The following TPCN1 variants were observed in gnomAD, a reference collection of about 807,000 sequenced individuals.
The protein encoded by TPCN1 is two pore channel protein 1.
Under a neutral mutation model 108.8 loss-of-function variants are expected in TPCN1, and 52 were observed. That is an observed-to-expected ratio of 0.48 (90% CI 0.38 to 0.60). The LOEUF (loss-of-function observed/expected upper bound fraction) is 0.60, where lower values mean the gene tolerates loss of function less well. Ranked by LOEUF, TPCN1 falls within the 20% of genes least tolerant of loss-of-function variation. TPCN1 has a pLI of 0.00. For missense variants in TPCN1, 806 were observed against 1,072.8 expected (o/e 0.75, Z 3.47); for synonymous variants, 446 against 433.7 (o/e 1.03, Z -0.35).
At chr12:113,264,476 C>T (rs1405710253) in intron 3 of TPCN1, among the ~76,000 whole-genome samples, 1 of 152,162 alleles carries the variant, frequency 6.6e-6, no homozygotes, top group African/African-American at 2.4e-5. Flanking sequence ...CTCAGGAGTT[C>T]GAGACCAGCC....
At chr12:113,293,156 C>A (rs1956322991) in intron 26 of TPCN1, 83 bp downstream of exon 26, 1 of 1,601,794 alleles carries the variant, frequency 6.2e-7, no homozygotes, top group African/African-American at 1.3e-5. Context: ...ATATTGGTAA[C>A]ATTTTGAGTG....
chr12:113,267,987 C>T (rs2136623713), intron 5 of TPCN1, 31 bp downstream of exon 5: 1 of 1,467,362 alleles, frequency 6.8e-7, no homozygotes, highest in Non-Finnish European at 9.5e-7. Context: ...TCCCTCCCCT[C>T]ACAGCCTTTT....
In TPCN1 at chr12:113,273,254, G is replaced by A; in HGVS notation, c.806G>A (p.Ser269Asn). The change falls in exon 9 of 28, where the codon AGC (serine) becomes AAC (asparagine). Residue 269 changes from serine (S) to asparagine (N), a missense_variant. Coordinates refer to ENST00000335509, the MANE Select transcript of TPCN1 (RefSeq NM_017901.6). This position sits in a 1 kb window ranked among gnomAD's most constrained non-coding sequence, Gnocchi z 4.0. ...SDPYFSTLEN[S>N]IVSLFVLLTT... ...CAGTACTTCAGCACCCTGGAGAACAGCATCGTCAGTCTGTTTGTCCTTCTG... is the reference window on the plus strand; with the variant it reads ...CAGTACTTCAGCACCCTGGAGAACAACATCGTCAGTCTGTTTGTCCTTCTG... The A allele has an allele frequency of 6.2e-7, 1 of 1,614,240 alleles. No homozygotes were observed. The highest frequency in any genetic ancestry group is 8.5e-7 in the Non-Finnish European group (1 of 1,180,040).
chr12:113,271,902 C>T (rs990515010), intron 7 of TPCN1, among the ~76,000 whole-genome samples: 1 of 152,150 alleles, frequency 6.6e-6, no homozygotes, highest in East Asian at 1.9e-4. Context: ...GCATAGACAT[C>T]GGAAGCCGTG....
chr12:113,268,946 T>C lies in TPCN1; in HGVS notation c.659+74T>C. 1 of 1,574,948 alleles carries C rather than the reference T, an allele frequency of 6.3e-7. No homozygotes were observed. Among genetic ancestry groups the C allele is most frequent in the South Asian group, 1.1e-5 (1 of 89,340 alleles). ...ACCTCTGGGCCAGTGGGGCAGGAGCTTGTGAGTCAGTTAGTGATGAGGTCG... is the reference window on the plus strand; with the variant it reads ...ACCTCTGGGCCAGTGGGGCAGGAGCCTGTGAGTCAGTTAGTGATGAGGTCG... On this transcript the variant is annotated intron_variant, in intron 6 of 27. Transcript: ENST00000335509. The surrounding 1 kb of genome is among the most constrained non-coding windows in gnomAD (Gnocchi z 7.3).
chr12:113,249,439 A>C (rs1434743438), intron 2 of TPCN1: 1 of 152,242 alleles, frequency 6.6e-6, no homozygotes, highest in Non-Finnish European at 1.5e-5. Flanking sequence ...CCTGGATGCT[A>C]GACCTGGCGC....
chr12:113,276,438 A>T (rs1015143012), intron 10 of TPCN1, among the ~76,000 whole-genome samples: 1 of 152,130 alleles, frequency 6.6e-6, no homozygotes, highest in African/African-American at 2.4e-5. Flanking sequence ...GCAGTGACTC[A>T]CAAGGAGAAG....
rs140458256 is a variant in TPCN1 at position 113,273,504 on chromosome 12, G to A, written c.843-65G>A. 937 of 1,368,164 alleles carry A rather than the reference G, an allele frequency of 6.8e-4. 7 individuals are homozygous for A. In the East Asian group the frequency reaches 0.011, roughly 17 times the overall value. The allele number at this position is 1,368,164 out of a possible 1,614,324, so 84.8% of individuals were successfully genotyped here. ...CAGACAAGGAGCTGTCCTCTGCAAGGCATGTGCTCTGAGAGGATGGAGACA... is the reference window on the plus strand; with the variant it reads ...CAGACAAGGAGCTGTCCTCTGCAAGACATGTGCTCTGAGAGGATGGAGACA... On this transcript the variant is annotated intron_variant, in intron 9 of 27. Transcript: ENST00000335509. The surrounding 1 kb of genome is among the most constrained non-coding windows in gnomAD (Gnocchi z 4.0).
intron 2 of TPCN1, among the ~76,000 whole-genome samples, chr12:113,229,712 G>A (rs1953609977): frequency 6.6e-6 from 1 of 152,002 alleles, no homozygotes; most frequent in Non-Finnish European, 1.5e-5. Flanking sequence ...GGCTGGTCTC[G>A]AACTGTTGGC....
chr12:113,282,230 A>G (rs2136703542), intron 15 of TPCN1, among the ~76,000 whole-genome samples: 1 of 151,526 alleles, frequency 6.6e-6, no homozygotes, highest in East Asian at 2.0e-4. Context: ...AGCTGGGACT[A>G]CAGGCACCCA....
chr12:113,288,290 G>T lies in TPCN1; in HGVS notation c.1706+56G>T, dbSNP rs781233504. 8.1e-6 allele frequency: 13 copies of T among 1,610,636 alleles called. No homozygotes were observed. The East Asian group carries it at 2.0e-4, about 25-fold the overall frequency. On this transcript the variant is annotated intron_variant, in intron 20 of 27. Coordinates refer to ENST00000335509, the MANE Select transcript of TPCN1 (RefSeq NM_017901.6). This position sits in a 1 kb window ranked among gnomAD's most constrained non-coding sequence, Gnocchi z 4.8. ...TCCAGGTGCCGTGTGGCAGTGCCCC[G>T]TGGGGGCGGGAGCCGAGTGGCAGTC...
Position 113,260,352 on chromosome 12 carries a change from TC to T in TPCN1, c.113-14del, listed in dbSNP as rs1954981355. On this transcript the variant is annotated splice_polypyrimidine_tract_variant and intron_variant, in intron 2 of 27. Transcript: ENST00000335509. The stretch of plus-strand genomic sequence containing the variant: ...AGCCTGGGTGCCAAGTGAATCTCTC[TC>T]CTCTTCCAATGCAGATGGCGGCAGC... 1 of 1,486,748 alleles carries T rather than the reference TC, an allele frequency of 6.7e-7. No individual in the cohort carries two copies. Among genetic ancestry groups the T allele is most frequent in the Non-Finnish European group, 8.9e-7 (1 of 1,120,602 alleles). The allele number at this position is 1,486,748 out of a possible 1,614,324, so 92.1% of individuals were successfully genotyped here.
intron 2 of TPCN1, among the ~76,000 whole-genome samples, chr12:113,228,096 C>T (rs1001360332): frequency 1.3e-5 from 2 of 152,200 alleles, no homozygotes; most frequent in African/African-American, 4.8e-5. Context: ...TCTGAAATCC[C>T]TTTGCAAGGC....
At position 113,272,143 on chromosome 12, in the gene TPCN1, A is replaced by G. The variant is rs1309179165; in HGVS notation, c.749-515A>G. Among the ~76,000 whole-genome samples the G allele has an allele frequency of 6.6e-6, 1 of 152,140 alleles. No homozygotes were observed. Among genetic ancestry groups the G allele is most frequent in the African/African-American group, 2.4e-5 (1 of 41,422 alleles). On this transcript the variant is annotated intron_variant, in intron 7 of 27. Coordinates refer to ENST00000335509, the MANE Select transcript of TPCN1 (RefSeq NM_017901.6). This position sits in a 1 kb window ranked among gnomAD's most constrained non-coding sequence, Gnocchi z 4.1. ...AGGGGCTGATTTCCCCTGAGGGCAG[A>G]GTTCCTCCCTTTTCCCACTCAGGAT...
Position 113,291,635 on chromosome 12 carries a change from C to G in TPCN1, c.1986C>G (p.His662Gln), listed in dbSNP as rs754190505. The G allele has an allele frequency of 5.0e-6, 8 of 1,613,456 alleles. No individual in the cohort carries two copies. The highest frequency in any genetic ancestry group is 5.9e-6 in the Non-Finnish European group (7 of 1,179,806). ...IMEGVTSQTS[H>Q]WSRLYFMTFY... ...AAGGCGTCACCTCTCAGACCTCCCA[C>G]TGGAGCCGCCTCTACTTCATGACCT... The change falls in exon 24 of 28, where the codon CAC becomes CAG. Residue 662 changes from histidine to glutamine, a missense_variant. Coordinates refer to ENST00000335509, the MANE Select transcript of TPCN1 (RefSeq NM_017901.6).
In TPCN1 at chr12:113,231,336, C is replaced by T. The variant is rs187418386; in HGVS notation, c.112+4372C>T. Reference sequence around the variant, plus strand: ...TCTTGCGAAGCCTCTTTCCTTGGCTCGCAAATGGTTATCTTCTTGCTGTGT... The same window carrying T: ...TCTTGCGAAGCCTCTTTCCTTGGCTTGCAAATGGTTATCTTCTTGCTGTGT... On this transcript the variant is annotated intron_variant, in intron 2 of 27. Coordinates refer to ENST00000335509, the MANE Select transcript of TPCN1 (RefSeq NM_017901.6). This position sits in a 1 kb window ranked among gnomAD's most constrained non-coding sequence, Gnocchi z 4.3. 7.9e-5 allele frequency among the ~76,000 whole-genome samples: 12 copies of T among 152,336 alleles called. No homozygotes were observed. Among genetic ancestry groups the T allele is most frequent in the Non-Finnish European group, 1.6e-4 (11 of 68,034 alleles).
intron 2 of TPCN1, chr12:113,246,136 G>A (rs1485136400): frequency 2.3e-6 from 1 of 429,708 alleles, no homozygotes; most frequent in African/African-American, 2.0e-5. Context: ...TTGCGTTGTT[G>A]TTTTGTATTC....
At position 113,284,836 on chromosome 12, in the gene TPCN1, A is replaced by C; in HGVS notation, c.1453+65A>C. ...AAATTGTCTGGGAGAACTTTCATTC[A>C]GTGTAGAACCTCATGGTTCTTCTCT... On this transcript the variant is annotated intron_variant, in intron 17 of 27. Coordinates refer to ENST00000335509, the MANE Select transcript of TPCN1 (RefSeq NM_017901.6). This position sits in a 1 kb window ranked among gnomAD's most constrained non-coding sequence, Gnocchi z 4.1. 1 of 1,544,632 alleles carries C rather than the reference A, an allele frequency of 6.5e-7. No individual in the cohort carries two copies. Among genetic ancestry groups the C allele is most frequent in the Non-Finnish European group, 9.0e-7 (1 of 1,117,012 alleles).
In TPCN1 at chr12:113,284,844, A is replaced by G. The variant is rs953660418; in HGVS notation, c.1453+73A>G. 6.7e-7 allele frequency: 1 copy of G among 1,498,336 alleles called. No individual in the cohort carries two copies. Among genetic ancestry groups the G allele is most frequent in the Non-Finnish European group, 9.3e-7 (1 of 1,075,706 alleles). 92.8% of individuals were successfully genotyped at this position (1,498,336 alleles called of 1,614,324 possible). On this transcript the variant is annotated intron_variant, in intron 17 of 27. Coordinates refer to ENST00000335509, the MANE Select transcript of TPCN1 (RefSeq NM_017901.6). The surrounding 1 kb of genome is among the most constrained non-coding windows in gnomAD (Gnocchi z 4.1). ...TGGGAGAACTTTCATTCAGTGTAGA[A>G]CCTCATGGTTCTTCTCTAAAACAGG...
Sources: allele counts gnomAD v4.1 joint callset (sites outside exome capture counted in the v4.1 genomes callset), GRCh38; gene constraint gnomAD v4.1.1; non-coding constraint Gnocchi (gnomAD v3.1); transcripts MANE v1.5; gene names NCBI Gene and HGNC (gene_info 2026-07-23, HGNC 2026-07-21).